TSGA13: variants seen among roughly 807,000 people sequenced by gnomAD.
TSGA13 encodes the protein testis-specific gene 13 protein.
A neutral mutation model predicts 35.1 loss-of-function variants in TSGA13; 37 were observed. The observed-to-expected ratio is 1.05, with a 90% CI of 0.81 to 1.39. The LOEUF (loss-of-function observed/expected upper bound fraction) is 1.39, where lower values mean the gene tolerates loss of function less well. TSGA13 is among the 40% of genes most tolerant of loss of function. The pLI is 0.00. For synonymous variants in TSGA13, 124 were observed against 121.2 expected, an observed-to-expected ratio of 1.02 and a Z score of -0.15; for missense variants, 338 against 328.5, an observed-to-expected ratio of 1.03 and a Z score of -0.22.
chr7:130,676,740 T>G (rs1796418036), intron 5 of TSGA13, among the ~76,000 whole-genome samples: 1 of 152,192 alleles, frequency 6.6e-6, no homozygotes, highest in Non-Finnish European at 1.5e-5. Flanking sequence ...TTCACCACAT[T>G]TTATTATAAG....
At chr7:130,675,696 T>C (rs1456207036) in intron 5 of TSGA13, among the ~76,000 whole-genome samples, 1 of 152,204 alleles carries the variant, frequency 6.6e-6, no homozygotes, top group Non-Finnish European at 1.5e-5. Context: ...TTGAGTCTTC[T>C]AGCCTTACTC....
At chr7:130,679,989 A>G (rs1170663508) in intron 4 of TSGA13, among the ~76,000 whole-genome samples, 1 of 152,156 alleles carries the variant, frequency 6.6e-6, no homozygotes, top group Non-Finnish European at 1.5e-5. Flanking sequence ...CAAGCAGAGA[A>G]GTTTCTACAT....
intron 4 of TSGA13, 63 bp from the exon 5 acceptor site, chr7:130,679,430 C>A: frequency 7.0e-7 from 1 of 1,434,660 alleles, no homozygotes; most frequent in South Asian, 1.3e-5. Context: ...GTTAACAAAT[C>A]GGTTGGCTGA....
At chr7:130,685,915 A>G (rs1796646969) in intron 1 of TSGA13, among the ~76,000 whole-genome samples, 1 of 152,220 alleles carries the variant, frequency 6.6e-6, no homozygotes, top group Admixed American at 6.5e-5. Flanking sequence ...GATGTTTCCT[A>G]AAGGTTGTGG....
intron 5 of TSGA13, among the ~76,000 whole-genome samples, chr7:130,673,907 A>G (rs1796345356): frequency 6.6e-6 from 1 of 152,138 alleles, no homozygotes; most frequent in Non-Finnish European, 1.5e-5. Context: ...AGCCTGACCA[A>G]CATGGTGAAA....
intron 5 of TSGA13, among the ~76,000 whole-genome samples, chr7:130,674,000 C>G (rs1015714808): frequency 6.6e-6 from 1 of 151,380 alleles, no homozygotes; most frequent in African/African-American, 2.4e-5. Context: ...GAGGCTGAGG[C>G]AGGAGAATCG....
In TSGA13 at chr7:130,669,032, C is replaced by T. The variant is rs1563076856; in HGVS notation, c.810G>A (p.Lys270=). The part of the protein sequence containing the change: ...NGRAPQWIIK[K]ATVIG ...TCTGTGTTCACCCGATGACCGTGGC[C>T]TTTTTGATAATCCACTGCGGGGCCC... Residue 270 remains lysine, a synonymous_variant, in exon 8 of 8, where the codon AAG becomes AAA. Coordinates refer to ENST00000356588, the MANE Select transcript of TSGA13 (RefSeq NM_052933.4). 4 of 1,614,178 alleles carry T rather than the reference C, an allele frequency of 2.5e-6. No individual in the cohort carries two copies. The highest frequency in any genetic ancestry group is 3.4e-6 in the Non-Finnish European group (4 of 1,180,032).
rs1554464724 is a variant in TSGA13 at position 130,679,381 on chromosome 7, A to C, written c.175-14T>G. On this transcript the variant is annotated splice_polypyrimidine_tract_variant and intron_variant, in intron 4 of 7. Transcript: ENST00000356588. Reference sequence around the variant, plus strand: ...ATAGTACTGGGCCTGAACAGACAGAAAGGTTTCCAGAGAGAAAAAGAGATT... The same window carrying C: ...ATAGTACTGGGCCTGAACAGACAGACAGGTTTCCAGAGAGAAAAAGAGATT... 10 of 1,594,816 alleles carry C rather than the reference A, an allele frequency of 6.3e-6. No individual in the cohort carries two copies. The South Asian group carries it at 1.1e-4, about 18-fold the overall frequency.
At position 130,683,824 on chromosome 7, in the gene TSGA13, A is replaced by G; in HGVS notation, c.24-152T>C. 3 of 617,510 alleles carry G rather than the reference A, an allele frequency of 4.9e-6. No individual in the cohort carries two copies. The East Asian group carries it at 8.7e-5, about 18-fold the overall frequency. 38.3% of individuals were successfully genotyped at this position (617,510 alleles called of 1,614,324 possible). ...CAGTAATTGACTAAGTAGCAAAAAA[A>G]TCAGACTCATTATCCAGCCTGCATG... On this transcript the variant is annotated intron_variant, in intron 2 of 7. Transcript: ENST00000356588.
chr7:130,683,684 G>A lies in TSGA13; in HGVS notation c.24-12C>T, dbSNP rs1796598144. The A allele has an allele frequency of 6.2e-7, 1 of 1,613,132 alleles. No individual in the cohort carries two copies. Among genetic ancestry groups the A allele is most frequent in the Non-Finnish European group, 8.5e-7 (1 of 1,179,302 alleles). The stretch of plus-strand genomic sequence containing the variant: ...TGCCATTTTGAAACCTGAAAAAGAG[G>A]CAGAACATCCGGTTGCACTTTCTGG... On this transcript the variant is annotated splice_polypyrimidine_tract_variant and intron_variant, in intron 2 of 7. Transcript: ENST00000356588.
At chr7:130,687,051 G>T (rs1332498511), upstream of TSGA13, 2 of 151,838 alleles carry the variant, frequency 1.3e-5, no homozygotes, top group African/African-American at 4.8e-5. Flanking sequence ...GCTAATTTTT[G>T]TATTTTTAGT....
intron 4 of TSGA13, 148 bp downstream of exon 4, chr7:130,680,798 A>G: frequency 4.3e-6 from 3 of 691,292 alleles, no homozygotes; most frequent in Middle Eastern, 5.8e-4. Context: ...ATCATAACCT[A>G]GAGGCAGCTC....
chr7:130,680,162 C>T (rs1432797229), intron 4 of TSGA13, among the ~76,000 whole-genome samples: 1 of 152,194 alleles, frequency 6.6e-6, no homozygotes, highest in African/African-American at 2.4e-5. Flanking sequence ...TTTACGTCAA[C>T]ATTTCTCAGG....
chr7:130,680,473 T>C (rs1796517936), intron 4 of TSGA13, among the ~76,000 whole-genome samples: 1 of 144,234 alleles, frequency 6.9e-6, no homozygotes, highest in African/African-American at 2.6e-5. Context: ...ACCACTGCAC[T>C]CCAGCCTGGG....
intron 7 of TSGA13, among the ~76,000 whole-genome samples, chr7:130,669,475 T>G (rs1165629947): frequency 6.6e-6 from 1 of 152,236 alleles, no homozygotes; most frequent in Non-Finnish European, 1.5e-5. Flanking sequence ...CTCACTAAAT[T>G]AACGTGCATT....
chr7:130,683,440 CT>C (rs1796593502), intron 3 of TSGA13, among the ~76,000 whole-genome samples, 153 bp downstream of exon 3: 3 of 152,198 alleles, frequency 2.0e-5, no homozygotes, highest in African/African-American at 7.2e-5. Context: ...CTCTATTTCT[CT>C]TCAATAACAT....
chr7:130,679,343 CCTTCAAAGG>C lies in TSGA13; in HGVS notation c.190_198del (p.Pro64_Lys66del), dbSNP rs1341098637. Reference sequence around the variant, plus strand: ...GCCAGGAATTTCTGCAGGGCAGTGGCCTTCAAAGGCTTATAGTACTGGGCCTGAACAGAC... The same window carrying C: ...GCCAGGAATTTCTGCAGGGCAGTGGCCTTATAGTACTGGGCCTGAACAGAC... On this transcript the variant is annotated inframe_deletion, in exon 5 of 8. Transcript: ENST00000356588. The C allele has an allele frequency of 6.2e-7, 1 of 1,612,958 alleles. No individual in the cohort carries two copies. The highest frequency in any genetic ancestry group is 2.2e-5 in the East Asian group (1 of 44,880).
At chr7:130,671,620 C>G in intron 7 of TSGA13, 41 bp downstream of exon 7, 1 of 1,531,046 alleles carries the variant, frequency 6.5e-7, no homozygotes, top group Non-Finnish European at 8.8e-7. Context: ...CAGCCCAAAT[C>G]TCAGTCCAGT....
intron 2 of TSGA13, among the ~76,000 whole-genome samples, chr7:130,683,888 A>C (rs1796602335): frequency 6.6e-6 from 1 of 152,266 alleles, no homozygotes; most frequent in Non-Finnish European, 1.5e-5. Context: ...GAGTTAAACA[A>C]GTGGGACCTT....
Sources: gnomAD v4.1 joint callset for allele counts (sites outside exome capture counted in the v4.1 genomes callset) on GRCh38, gnomAD v4.1.1 for gene constraint, MANE v1.5 for transcripts, NCBI Gene and HGNC (gene_info 2026-07-23, HGNC 2026-07-21) for gene names.